Variants in RUFY1 observed in about 807,000 individuals in gnomAD.
RUFY1 encodes the protein RUN and FYVE domain containing 1, also known as RUN and FYVE domain-containing protein 1.
In RUFY1, 54 loss-of-function variants were observed where a neutral mutation model predicts 94.6. The observed-to-expected ratio is 0.57, with a 90% confidence interval of 0.46 to 0.72. The LOEUF is 0.72. RUFY1 is among the 30% of genes least tolerant of loss of function. The pLI, the probability that RUFY1 is intolerant of heterozygous loss-of-function variation, is 0.00. For synonymous variants in RUFY1, 396 were observed against 347.3 expected (o/e 1.14, Z -1.56); for missense variants, 883 against 883.9 (o/e 1.00, Z 0.01).
At chr5:179,562,768 C>CT in intron 3 of RUFY1, 104 bp downstream of exon 3, 1 of 702,492 alleles carries the variant, frequency 1.4e-6, no homozygotes, top group Non-Finnish European at 2.6e-6. Flanking sequence ...TTGGAAAGAG[C>CT]TCTGCTGCTC....
At chr5:179,595,228 C>T (rs1765503828) in intron 12 of RUFY1, among the ~76,000 whole-genome samples, 1 of 152,110 alleles carries the variant, frequency 6.6e-6, no homozygotes, top group African/African-American at 2.4e-5. Context: ...GCCTGTAATC[C>T]CAGCACTTTG....
chr5:179,583,456 G>T (rs1377336682), intron 7 of RUFY1, among the ~76,000 whole-genome samples: 4 of 145,164 alleles, frequency 2.8e-5, no homozygotes, highest in Non-Finnish European at 4.5e-5. Flanking sequence ...TTGCTCTGTC[G>T]CCCAGGCTGG....
At position 179,593,627 on chromosome 5, in the gene RUFY1, G is replaced by C. The variant is rs778430710; in HGVS notation, c.1395G>C (p.Gln465His). 6.2e-7 allele frequency: 1 copy of C among 1,614,034 alleles called. No homozygotes were observed. The highest frequency in any genetic ancestry group is 2.2e-5 in the East Asian group (1 of 44,882). The change falls in exon 11 of 18, where the codon CAG becomes CAC. Residue 465 changes from glutamine to histidine, a missense_variant. Transcript: ENST00000319449. ...AAGAAGTCAAAGCGATTAATTTACA[G>C]ATGTTTCACAAAGCTCAGGTGGGAG... is the stretch of plus-strand genomic sequence containing the variant. ...QLEEVKAINL[Q>H]MFHKAQNAES...
intron 8 of RUFY1, 90 bp from the exon 9 acceptor site, chr5:179,589,456 G>A (rs1451522032): frequency 1.2e-6 from 1 of 808,052 alleles, no homozygotes; most frequent in Non-Finnish European, 2.1e-6. Context: ...AACATACATT[G>A]TCAACTGTGA....
At chr5:179,580,494 G>C (rs934588945) in intron 6 of RUFY1, among the ~76,000 whole-genome samples, 2 of 151,226 alleles carry the variant, frequency 1.3e-5, no homozygotes, top group Non-Finnish European at 2.9e-5. Context: ...TGCCCACCTT[G>C]GCCTTCAAAA....
intron 1 of RUFY1, among the ~76,000 whole-genome samples, chr5:179,557,719 T>A (rs1227232996): frequency 6.6e-6 from 1 of 152,160 alleles, no homozygotes; most frequent in Non-Finnish European, 1.5e-5. Context: ...TTGAACATAA[T>A]TACATAGATT....
chr5:179,597,037 T>C (rs1446524912), intron 13 of RUFY1: 1 of 233,074 alleles, frequency 4.3e-6, no homozygotes, highest in Admixed American at 5.0e-5. Context: ...AAGCTTCATA[T>C]AATTTTGTGC....
intron 1 of RUFY1, 127 bp from the exon 2 acceptor site, chr5:179,559,898 G>C: frequency 1.4e-6 from 2 of 1,433,710 alleles, no homozygotes; most frequent in Non-Finnish European, 1.8e-6. Context: ...TTGCCCGCCC[G>C]CCAGCACGTC....
intron 7 of RUFY1, among the ~76,000 whole-genome samples, chr5:179,583,103 G>T (rs1273546453): frequency 6.6e-6 from 1 of 151,832 alleles, no homozygotes; most frequent in Non-Finnish European, 1.5e-5. Flanking sequence ...AGGAGTTCAA[G>T]ATCAACCTGG....
At position 179,591,650 on chromosome 5, in the gene RUFY1, A is replaced by C; in HGVS notation, c.1154A>C (p.Glu385Ala). 6.2e-7 allele frequency: 1 copy of C among 1,612,884 alleles called. No homozygotes were observed. The change falls in exon 10 of 18, where the codon GAG (glutamate) becomes GCG (alanine). Residue 385 changes from glutamate (E) to alanine (A), a missense_variant. Glu to Ala is a moderately radical substitution (Grantham distance 107). Transcript: ENST00000319449. ...VEITKQDTKVELETYKQTRQG... is the reference protein window; with the variant it reads ...VEITKQDTKVALETYKQTRQG... The stretch of plus-strand genomic sequence containing the variant: ...ATAACAAAACAGGATACCAAAGTTG[A>C]GCTGGAGACTTACAAGCAAACTCGG...
chr5:179,567,383 C>T (rs1469445910), intron 3 of RUFY1, 78 bp from the exon 4 acceptor site: 24 of 1,038,488 alleles, frequency 2.3e-5, no homozygotes, highest in Non-Finnish European at 3.5e-5. Context: ...TCCTATGTGT[C>T]TCCCTGGCTA....
intron 5 of RUFY1, among the ~76,000 whole-genome samples, chr5:179,573,685 G>A (rs1159090411): frequency 2.6e-5 from 4 of 152,058 alleles, no homozygotes; most frequent in African/African-American, 9.7e-5. Flanking sequence ...ACCATGCCCG[G>A]CTAATTTTTT....
chr5:179,588,526 T>G (rs1024433797), intron 8 of RUFY1, among the ~76,000 whole-genome samples: 1 of 152,106 alleles, frequency 6.6e-6, no homozygotes, highest in Non-Finnish European at 1.5e-5. Flanking sequence ...GAATAAGAGG[T>G]CCTCTTGGGC....
intron 13 of RUFY1, among the ~76,000 whole-genome samples, chr5:179,597,686 G>C (rs1027480350): frequency 1.3e-4 from 20 of 152,196 alleles, no homozygotes; most frequent in African/African-American, 4.8e-4. Flanking sequence ...GATTTTTTGA[G>C]ATAATATATA....
At chr5:179,597,752 C>T (rs1183426217) in intron 13 of RUFY1, among the ~76,000 whole-genome samples, 1 of 152,180 alleles carries the variant, frequency 6.6e-6, no homozygotes, top group Non-Finnish European at 1.5e-5. Context: ...TTTATTCCCA[C>T]AAAGAGAGAG....
chr5:179,570,799 G>T (rs1479496833), intron 5 of RUFY1, among the ~76,000 whole-genome samples: 3 of 151,016 alleles, frequency 2.0e-5, no homozygotes, highest in African/African-American at 4.9e-5. Context: ...AAAAAAGTTC[G>T]ATTGTCTTTG....
chr5:179,569,150 G>A, intron 4 of RUFY1, 152 bp from the exon 5 acceptor site: 1 of 1,518,444 alleles, frequency 6.6e-7, no homozygotes, highest in Non-Finnish European at 8.8e-7. Flanking sequence ...AGCAGCCGTT[G>A]AAGCAGTGAA....
chr5:179,580,322 A>G (rs1387000379), intron 6 of RUFY1, among the ~76,000 whole-genome samples: 16 of 149,646 alleles, frequency 1.1e-4, no homozygotes, highest in Admixed American at 8.7e-4. Context: ...GGCTCACTGC[A>G]AGCTCCGCCT....
chr5:179,560,225 G>A (rs780419392), intron 2 of RUFY1, 27 bp downstream of exon 2: 3 of 1,605,264 alleles, frequency 1.9e-6, no homozygotes, highest in Non-Finnish European at 2.6e-6. Flanking sequence ...GTTTGGGAGC[G>A]TGGAAGTTCG....
Sources: allele counts gnomAD v4.1 joint callset (sites outside exome capture counted in the v4.1 genomes callset), GRCh38; gene constraint gnomAD v4.1.1; transcripts MANE v1.5; gene names NCBI Gene and HGNC (gene_info 2026-07-23, HGNC 2026-07-21).